Variants in LHX6 observed in about 807,000 individuals in gnomAD.
The protein encoded by LHX6 is LIM/homeobox protein Lhx6.
LHX6 carries 15 observed loss-of-function variants against 47.1 expected under a neutral mutation model. The ratio of observed to expected loss-of-function variants is 0.32; its 90% CI spans 0.21 to 0.49. The LOEUF (loss-of-function observed/expected upper bound fraction) is 0.49. Ranked by LOEUF, LHX6 falls within the 20% of genes least tolerant of loss-of-function variation. The pLI is 0.99. For synonymous variants in LHX6, 242 were observed against 233.5 expected, an observed-to-expected ratio of 1.04 and a Z score of -0.33; for missense variants, 404 against 539.6, an observed-to-expected ratio of 0.75 and a Z score of 2.49.
Position 122,213,769 on chromosome 9 carries a change from T to C in LHX6, c.891A>G (p.Gln297=). Residue 297 remains glutamine, a synonymous_variant, in exon 8 of 10, where the codon CAA becomes CAG. Transcript: ENST00000394319. The surrounding 1 kb of genome is among the most constrained non-coding windows in gnomAD (Gnocchi z 5.5). ...LSRRVIQVWF[Q]NCRARHKKHT... ...GCTTTTTATGACGCGCCCGGCAGTT[T>C]TGAAACCACACCTGGAACGACAGCC... 6.3e-7 allele frequency: 1 copy of C among 1,592,378 alleles called. No homozygotes were observed. The highest frequency in any genetic ancestry group is 8.5e-7 in the Non-Finnish European group (1 of 1,170,160).
Position 122,214,276 on chromosome 9 carries a change from G to T in LHX6, c.783+7C>A. On this transcript the variant is annotated splice_region_variant and intron_variant, in intron 6 of 9. Transcript: ENST00000394319. The surrounding 1 kb of genome is among the most constrained non-coding windows in gnomAD (Gnocchi z 4.6). ...CCGCCCCCGCCGCCCACTGCTTGCA[G>T]CGGTACCTGCAGCTGTTCCGCGGTG... 1.3e-6 allele frequency: 2 copies of T among 1,590,734 alleles called. No individual in the cohort carries two copies. The highest frequency in any genetic ancestry group is 1.7e-6 in the Non-Finnish European group (2 of 1,173,234).
intron 4 of LHX6, chr9:122,221,352 C>T (rs1199764531): frequency 9.1e-6 from 9 of 985,666 alleles, no homozygotes; most frequent in Non-Finnish European, 9.6e-6. Flanking sequence ...AGCTGGCCGC[C>T]GCTGGGCCGC....
Position 122,227,013 on chromosome 9 carries a change from C to A in LHX6, c.174G>T (p.Glu58Asp). ...CCTTGTCCAGAGCTCCTGCCAGGGCCTCGGCGTCAGACTGAGCCTGCGGCG... is the reference window on the plus strand; with the variant it reads ...CCTTGTCCAGAGCTCCTGCCAGGGCATCGGCGTCAGACTGAGCCTGCGGCG... Reference protein sequence around the residue: ...APPAMAQSDAEALAGALDKDE... With the variant: ...APPAMAQSDADALAGALDKDE... The change falls in exon 3 of 10, where the codon GAG becomes GAT. Residue 58 changes from glutamate (E) to aspartate (D), a missense_variant. Physicochemically the swap from Glu to Asp is conservative, Grantham distance 45. Around this residue, in one of 7 missense-constraint regions of LHX6, gnomAD observed 144 missense variants for 128.7 expected, o/e 1.12. Transcript: ENST00000394319. 1 of 1,512,292 alleles carries A rather than the reference C, an allele frequency of 6.6e-7. No homozygotes were observed. Among genetic ancestry groups the A allele is most frequent in the Non-Finnish European group, 8.9e-7 (1 of 1,127,356 alleles). The allele number at this position is 1,512,292 out of a possible 1,614,324, so 93.7% of individuals were successfully genotyped here.
chr9:122,221,782 C>A (rs1253883933), intron 4 of LHX6: 1 of 964,982 alleles, frequency 1.0e-6, no homozygotes, highest in Non-Finnish European at 1.2e-6. Context: ...GGCAGGGACT[C>A]TTTGGATCAG....
intron 9 of LHX6, 149 bp downstream of exon 9, chr9:122,209,465 G>A (rs1235623486): frequency 8.4e-7 from 1 of 1,191,592 alleles, no homozygotes; most frequent in South Asian, 1.4e-5. Context: ...AGTGACTGCT[G>A]TGGGGGTGCG....
At position 122,213,914 on chromosome 9, in the gene LHX6, C is replaced by G. The variant is rs778232060; in HGVS notation, c.879+60G>C. ...TGCACGCACCACCCTCCGCGCCGAG[C>G]CCAGCTACGAGCTCCGGGGCGTGCC... On this transcript the variant is annotated intron_variant, in intron 7 of 9. Coordinates refer to ENST00000394319, the MANE Select transcript of LHX6 (RefSeq NM_014368.5). This position sits in a 1 kb window ranked among gnomAD's most constrained non-coding sequence, Gnocchi z 5.5. 9 of 1,543,654 alleles carry G rather than the reference C, an allele frequency of 5.8e-6. No individual in the cohort carries two copies. In the African/African-American group the frequency reaches 1.2e-4, roughly 21 times the overall value.
chr9:122,226,450 A>G lies in LHX6; in HGVS notation c.387T>C (p.Cys129=). 1.2e-6 allele frequency: 2 copies of G among 1,613,684 alleles called. No homozygotes were observed. The highest frequency in any genetic ancestry group is 1.7e-6 in the Non-Finnish European group (2 of 1,179,942). ...TGTTCTGCTGCCTCAGCGACGTGCGACACACGGAGCACTCGAGGCACCGCA... is the reference window on the plus strand; with the variant it reads ...TGTTCTGCTGCCTCAGCGACGTGCGGCACACGGAGCACTCGAGGCACCGCA... ...WHVRCLECSV[C]RTSLRQQNSC... is the part of the protein sequence containing the mutation. Residue 129 remains cysteine (C), a synonymous_variant, in exon 4 of 10, where the codon TGT becomes TGC. Transcript: ENST00000394319. This position sits in a 1 kb window ranked among gnomAD's most constrained non-coding sequence, Gnocchi z 6.5.
In LHX6 at chr9:122,213,945, T is replaced by C; in HGVS notation, c.879+29A>G. ...TACGAGCTCCGGGGCGTGCCCGCGG[T>C]CCCCAGGCCCCGCCCACCCCCGTCC... On this transcript the variant is annotated intron_variant, in intron 7 of 9. Transcript: ENST00000394319. The surrounding 1 kb of genome is among the most constrained non-coding windows in gnomAD (Gnocchi z 5.5). The C allele has an allele frequency of 2.0e-6, 3 of 1,485,478 alleles. No individual in the cohort carries two copies. Among genetic ancestry groups the C allele is most frequent in the East Asian group, 2.3e-5 (1 of 44,216 alleles). The allele number at this position is 1,485,478 out of a possible 1,614,324, so 92.0% of individuals were successfully genotyped here.
Position 122,225,124 on chromosome 9 carries a change from G to A in LHX6, c.461+1252C>T, listed in dbSNP as rs182076161. Among the ~76,000 whole-genome samples the A allele has an allele frequency of 3.6e-3, 543 of 152,236 alleles. 1 individual carries two copies. Among genetic ancestry groups the A allele is most frequent in the Non-Finnish European group, 6.2e-3 (422 of 68,012 alleles). On this transcript the variant is annotated intron_variant, in intron 4 of 9. Coordinates refer to ENST00000394319, the MANE Select transcript of LHX6 (RefSeq NM_014368.5). ...CAATGCCAGTGCACAGGAGGAGATC[G>A]CCTTCCACCATATTCCCTGACTCCC...
At position 122,203,089 on chromosome 9, in the gene LHX6, C is replaced by G. The variant is rs995137180; in HGVS notation, c.*1671G>C. On this transcript the variant is annotated 3_prime_UTR_variant, in exon 10 of 10. Coordinates refer to ENST00000394319, the MANE Select transcript of LHX6 (RefSeq NM_014368.5). Reference sequence around the variant, plus strand: ...GTGCTGAGCTGAGCTGTACTCACCACGTTCTGAGTGGTGCCTGCTCTTTGC... The same window carrying G: ...GTGCTGAGCTGAGCTGTACTCACCAGGTTCTGAGTGGTGCCTGCTCTTTGC... The G allele has an allele frequency of 2.0e-5, 3 of 152,776 alleles. No individual in the cohort carries two copies. The highest frequency in any genetic ancestry group is 6.8e-3 in the Middle Eastern group (2 of 294). The allele number at this position is 152,776 out of a possible 1,614,324, so 9.5% of individuals were successfully genotyped here.
In LHX6 at chr9:122,213,678, C is replaced by G; in HGVS notation, c.982G>C (p.Asp328His). Reference protein sequence around the residue: ...PPSRLPSALSDDIHYTPFSSP... With the variant: ...PPSRLPSALSHDIHYTPFSSP... ...CTGAACGGGGTGTAGTGGATGTCGT[C>G]GGACAGGGCGGAGGGAAGGCGGGAC... The change falls in exon 8 of 10, where the codon GAC (aspartate) becomes CAC (histidine). Residue 328 changes from aspartate (D) to histidine (H), a missense_variant. Asp to His is a moderately conservative substitution (Grantham distance 81). Coordinates refer to ENST00000394319, the MANE Select transcript of LHX6 (RefSeq NM_014368.5). This position sits in a 1 kb window ranked among gnomAD's most constrained non-coding sequence, Gnocchi z 5.5. 1.2e-6 allele frequency: 2 copies of G among 1,612,518 alleles called. No homozygotes were observed. The highest frequency in any genetic ancestry group is 1.1e-5 in the South Asian group (1 of 91,034).
intron 8 of LHX6, among the ~76,000 whole-genome samples, chr9:122,210,212 C>T (rs895541075): frequency 7.3e-6 from 1 of 136,860 alleles, no homozygotes; most frequent in African/African-American, 2.8e-5. Context: ...GCCACCGTGC[C>T]CGGCCAATTG....
At chr9:122,216,049 G>A (rs1249666813) in intron 5 of LHX6, among the ~76,000 whole-genome samples, 1 of 152,176 alleles carries the variant, frequency 6.6e-6, no homozygotes, top group Non-Finnish European at 1.5e-5. Context: ...GGCCAAGGTG[G>A]TGTGGTATGG....
chr9:122,213,582 G>A lies in LHX6; in HGVS notation c.1054+24C>T. 6.5e-7 allele frequency: 1 copy of A among 1,534,086 alleles called. No homozygotes were observed. On this transcript the variant is annotated intron_variant, in intron 8 of 9. Transcript: ENST00000394319. The surrounding 1 kb of genome is among the most constrained non-coding windows in gnomAD (Gnocchi z 5.5). ...GCGCCCCCTCCCCGCAGGCCCAGCG[G>A]CTCCCGGCGCTGCGGTTACTTACTC... is the stretch of plus-strand genomic sequence containing the variant.
chr9:122,226,334 C>CCTG lies in LHX6; in HGVS notation c.461+39_461+41dup, dbSNP rs748573828. The CCTG allele has an allele frequency of 6.3e-7, 1 of 1,587,634 alleles. No individual in the cohort carries two copies. The highest frequency in any genetic ancestry group is 8.6e-7 in the Non-Finnish European group (1 of 1,166,016). On this transcript the variant is annotated intron_variant, in intron 4 of 9. Coordinates refer to ENST00000394319, the MANE Select transcript of LHX6 (RefSeq NM_014368.5). This position sits in a 1 kb window ranked among gnomAD's most constrained non-coding sequence, Gnocchi z 6.5. ...AAGTGGCCTCCGAATGCGCCCGGGG[C>CCTG]CTGCCCTCGGCGACACTGCTGGCTC...
rs920071487 is a variant in LHX6, at chr9:122,220,596, C to G, written c.462-3308G>C. 1.6e-4 allele frequency among the ~76,000 whole-genome samples: 25 copies of G among 152,366 alleles called. No homozygotes were observed. In the East Asian group the frequency reaches 4.6e-3, roughly 28 times the overall value. ...AGATGTGCAGGAACTGCCACCAGAG[C>G]ACCAAAGGGATTAGGGGGTGTGTCC... On this transcript the variant is annotated intron_variant, in intron 4 of 9. Transcript: ENST00000394319.
At chr9:122,209,965 T>C (rs972702730) in intron 8 of LHX6, among the ~76,000 whole-genome samples, 1 of 151,994 alleles carries the variant, frequency 6.6e-6, no homozygotes. Flanking sequence ...AAGCTCTGCC[T>C]CCCAGGTTCA....
In LHX6 at chr9:122,217,237, G is replaced by A. The variant is rs1052901227; in HGVS notation, c.513C>T (p.Asp171=). Residue 171 remains aspartate (D), a synonymous_variant, in exon 5 of 10, where the codon GAC becomes GAT. Transcript: ENST00000394319. This position sits in a 1 kb window ranked among gnomAD's most constrained non-coding sequence, Gnocchi z 4.9. ...ARCGRQIYAS[D]WVRRARGNAY... The stretch of plus-strand genomic sequence containing the variant: ...CGTTGCCGCGAGCTCTCCGCACCCA[G>A]TCGCTGGCGTAGATCTGTCGGCCGC... The A allele has an allele frequency of 6.2e-7, 1 of 1,614,044 alleles. No individual in the cohort carries two copies. Among genetic ancestry groups the A allele is most frequent in the Non-Finnish European group, 8.5e-7 (1 of 1,180,040 alleles).
chr9:122,210,558 T>C (rs755219512), intron 8 of LHX6, among the ~76,000 whole-genome samples: 26 of 152,156 alleles, frequency 1.7e-4, no homozygotes, highest in Non-Finnish European at 2.8e-4. Flanking sequence ...ACTTATCATC[T>C]GACTTAACTG....
Sources: allele counts gnomAD v4.1 joint callset (sites outside exome capture counted in the v4.1 genomes callset), GRCh38; gene constraint gnomAD v4.1.1; regional missense constraint gnomAD v4.1.1; non-coding constraint Gnocchi (gnomAD v3.1); transcripts MANE v1.5; gene names NCBI Gene and HGNC (gene_info 2026-07-23, HGNC 2026-07-21).